MUCL1: variants seen among roughly 807,000 people sequenced by gnomAD.
MUCL1 encodes the protein mucin-like protein 1.
Under a neutral mutation model 9.2 loss-of-function variants are expected in MUCL1, and 11 were observed. The ratio of observed to expected loss-of-function variants is 1.19; its 90% CI spans 0.75 to 1.97. MUCL1 has a LOEUF of 1.97. Among genes scored for constraint, MUCL1 ranks in the 30% most tolerant of loss-of-function variants. The probability of loss-of-function intolerance (pLI) is 0.00; values close to 1 mark genes in which losing one functional copy is unlikely to be tolerated. For synonymous variants in MUCL1, 48 were observed against 40.5 expected, an observed-to-expected ratio of 1.19 and a Z score of -0.71; for missense variants, 144 against 110.9, an observed-to-expected ratio of 1.30 and a Z score of -1.34.
upstream of MUCL1, among the ~76,000 whole-genome samples, chr12:54,849,767 T>C (rs1057103438): frequency 2.0e-5 from 3 of 152,168 alleles, no homozygotes; most frequent in African/African-American, 7.2e-5. Context: ...ATATTTTATA[T>C]ACTCACATAT....
intron 2 of MUCL1, 125 bp from the exon 3 acceptor site, chr12:54,856,645 G>T: frequency 7.6e-7 from 1 of 1,318,520 alleles, no homozygotes; most frequent in Non-Finnish European, 1.0e-6. Context: ...CTAAAGGTAA[G>T]ACAGAACTGA....
At chr12:54,843,766 C>A (rs1959226060) in intron 1 of MUCL1, among the ~76,000 whole-genome samples, 1 of 152,182 alleles carries the variant, frequency 6.6e-6, no homozygotes, top group African/African-American at 2.4e-5. Flanking sequence ...TCTATAGAGA[C>A]TTCAGAAAGA....
In MUCL1 at chr12:54,854,745, C is replaced by T. The variant is rs370092111; in HGVS notation, c.58+105C>T. The T allele has an allele frequency of 2.1e-5, 20 of 968,710 alleles. 2 individuals are homozygous for T. The highest frequency in any genetic ancestry group is 1.6e-4 in the South Asian group (10 of 64,338). The allele number at this position is 968,710 out of a possible 1,614,324, so 60.0% of individuals were successfully genotyped here. On this transcript the variant is annotated intron_variant, in intron 1 of 3. Coordinates refer to ENST00000308796, the MANE Select transcript of MUCL1 (RefSeq NM_058173.3). ...TTGCTTAGAATGTGCTTTTTTACCT[C>T]TCCTAACTTGTTCTATCACCATTTT...
chr12:54,854,728 A>T, intron 1 of MUCL1, 88 bp downstream of exon 1: 2 of 1,264,046 alleles, frequency 1.6e-6, no homozygotes, highest in Non-Finnish European at 2.3e-6. Flanking sequence ...GGTTGCTTAG[A>T]ATGTGCTTTT....
chr12:54,843,312 A>T (rs1269064470), intron 1 of MUCL1, among the ~76,000 whole-genome samples: 1 of 152,194 alleles, frequency 6.6e-6, no homozygotes, highest in Non-Finnish European at 1.5e-5. Context: ...AAGAGCTTTA[A>T]AATAATGAAT....
intron 1 of MUCL1, among the ~76,000 whole-genome samples, chr12:54,849,299 G>A (rs1959302511): frequency 6.6e-6 from 1 of 151,930 alleles, no homozygotes; most frequent in Non-Finnish European, 1.5e-5. Flanking sequence ...TGAAATATTA[G>A]CCATAAAGGA....
upstream of MUCL1, among the ~76,000 whole-genome samples, chr12:54,837,964 G>A (rs1383035530): frequency 6.6e-6 from 1 of 152,152 alleles, no homozygotes; most frequent in Non-Finnish European, 1.5e-5. Context: ...AGTAGTTTCA[G>A]TCATCATATT....
At chr12:54,851,818 A>T (rs575186783), upstream of MUCL1, among the ~76,000 whole-genome samples, 28 of 152,352 alleles carry the variant, frequency 1.8e-4, no homozygotes, top group Admixed American at 1.0e-3. Context: ...AAGTCTCAGG[A>T]TACAAAAATC....
upstream of MUCL1, among the ~76,000 whole-genome samples, chr12:54,854,123 A>G (rs1868278514): frequency 6.6e-6 from 1 of 152,148 alleles, no homozygotes; most frequent in Admixed American, 6.5e-5. Flanking sequence ...TTATTCCCCT[A>G]GGGGGAGACA....
upstream of MUCL1, among the ~76,000 whole-genome samples, chr12:54,852,959 T>C (rs1409106369): frequency 6.6e-6 from 1 of 152,176 alleles, no homozygotes; most frequent in Non-Finnish European, 1.5e-5. Context: ...ATGGAAGATA[T>C]GAGTTTACCC....
chr12:54,848,135 C>T (rs1959283510), intron 1 of MUCL1, among the ~76,000 whole-genome samples: 2 of 151,426 alleles, frequency 1.3e-5, no homozygotes, highest in Non-Finnish European at 2.9e-5. Context: ...TGATCCCAGG[C>T]CACAGCTGCT....
chr12:54,847,880 A>G (rs533994453), intron 1 of MUCL1, among the ~76,000 whole-genome samples: 2 of 152,282 alleles, frequency 1.3e-5, no homozygotes, highest in Admixed American at 1.3e-4. Context: ...GCACACATTC[A>G]GATTTCTAAT....
chr12:54,851,622 C>G (rs906775754), upstream of MUCL1, among the ~76,000 whole-genome samples: 3 of 152,156 alleles, frequency 2.0e-5, no homozygotes, highest in Non-Finnish European at 2.9e-5. Flanking sequence ...CCTCTCTCAC[C>G]ACTCCTATTC....
At chr12:54,850,656 A>G (rs1355405603), upstream of MUCL1, among the ~76,000 whole-genome samples, 6 of 152,110 alleles carry the variant, frequency 3.9e-5, no homozygotes, top group Non-Finnish European at 8.8e-5. Context: ...ATGATTTATA[A>G]TCCTTTGGGT....
chr12:54,847,981 C>A (rs556221020), intron 1 of MUCL1, among the ~76,000 whole-genome samples: 43 of 151,778 alleles, frequency 2.8e-4, no homozygotes, highest in African/African-American at 9.4e-4. Context: ...AACAGCAAAT[C>A]CTGTTTCATC....
chr12:54,835,311 T>C (rs1233928159), upstream of MUCL1, among the ~76,000 whole-genome samples: 2 of 152,242 alleles, frequency 1.3e-5, no homozygotes, highest in African/African-American at 2.4e-5. Flanking sequence ...ATCTACTTTT[T>C]GTTCTTTGAG....
intron 1 of MUCL1, chr12:54,830,940 C>T (rs1488117053): frequency 6.6e-6 from 1 of 152,202 alleles, no homozygotes; most frequent in Non-Finnish European, 1.5e-5. Flanking sequence ...CACAACTTCC[C>T]TAAGATGACA....
At chr12:54,853,810 C>T (rs985062840), upstream of MUCL1, among the ~76,000 whole-genome samples, 2 of 152,124 alleles carry the variant, frequency 1.3e-5, no homozygotes, top group African/African-American at 2.4e-5. Flanking sequence ...TAACATCTAG[C>T]ATTGTGTCTG....
chr12:54,843,921 A>G (rs1450333977), intron 1 of MUCL1, among the ~76,000 whole-genome samples: 1 of 152,214 alleles, frequency 6.6e-6, no homozygotes, highest in Non-Finnish European at 1.5e-5. Context: ...ATACACTGAC[A>G]TTCATTGATT....
Sources: gnomAD v4.1 joint callset for allele counts (sites outside exome capture counted in the v4.1 genomes callset) on GRCh38, gnomAD v4.1.1 for gene constraint, MANE v1.5 for transcripts, NCBI Gene and HGNC (gene_info 2026-07-23, HGNC 2026-07-21) for gene names.